The following MCTP1 variants were observed in gnomAD, a reference collection of about 807,000 sequenced individuals.
MCTP1 encodes multiple C2 and transmembrane domain containing 1, also known as multiple C2 and transmembrane domain-containing protein 1.
In MCTP1, 69 loss-of-function variants were observed where a neutral mutation model predicts 120.6. The observed-to-expected ratio is 0.57, with a 90% confidence interval of 0.47 to 0.70. MCTP1 has a LOEUF of 0.70. MCTP1 is among the 30% of genes least tolerant of loss of function. MCTP1 has a pLI of 0.00. For synonymous variants in MCTP1, 529 were observed against 493.1 expected (o/e 1.07, Z -0.96); for missense variants, 1,203 against 1,248.8 (o/e 0.96, Z 0.55).
chr5:94,767,634 T>C lies in MCTP1; in HGVS notation c.2610+11476A>G, dbSNP rs76160104. Among the ~76,000 whole-genome samples the C allele has an allele frequency of 9.9e-3, 1,503 of 151,952 alleles. 25 individuals carry two copies. The highest frequency in any genetic ancestry group is 0.034 in the African/African-American group (1,419 of 41,472). ...TACACCAGTAATGAACTAGCTAAAA[T>C]AGAAATCAAGACAGCAGTTCCATTT... On this transcript the variant is annotated intron_variant, in intron 19 of 22. Coordinates refer to ENST00000515393, the MANE Select transcript of MCTP1 (RefSeq NM_024717.7).
At chr5:95,226,369 T>C (rs182431671) in intron 1 of MCTP1, among the ~76,000 whole-genome samples, 7 of 152,334 alleles carry the variant, frequency 4.6e-5, no homozygotes, top group African/African-American at 1.4e-4. Context: ...CCCTCTGCCT[T>C]GAACATGTAT....
chr5:95,128,740 C>T (rs1758814275), intron 1 of MCTP1, among the ~76,000 whole-genome samples: 1 of 152,190 alleles, frequency 6.6e-6, no homozygotes, highest in South Asian at 2.1e-4. Context: ...TGAATGAAAA[C>T]ATTCTAAAGC....
Position 95,038,084 on chromosome 5 carries a change from T to A in MCTP1, c.721-20600A>T, listed in dbSNP as rs370498833. 1.1e-5 allele frequency: 11 copies of A among 980,848 alleles called. No individual in the cohort carries two copies. In the East Asian group the frequency reaches 8.0e-4, roughly 71 times the overall value. The allele number at this position is 980,848 out of a possible 1,614,324, so 60.8% of individuals were successfully genotyped here. The stretch of plus-strand genomic sequence containing the variant: ...CAAAACTCACGTGTATTTTATCCTT[T>A]CAAACATTCGAACAATCTCATGGTC... On this transcript the variant is annotated intron_variant, in intron 1 of 22. Coordinates refer to ENST00000515393, the MANE Select transcript of MCTP1 (RefSeq NM_024717.7).
chr5:94,804,926 GT>G (rs1781983359), intron 17 of MCTP1, among the ~76,000 whole-genome samples: 1 of 152,076 alleles, frequency 6.6e-6, no homozygotes, highest in Non-Finnish European at 1.5e-5. Context: ...AAGGGTTCCA[GT>G]TAAAAGCTTT....
rs1204349712 is a variant in MCTP1 at position 95,199,488 on chromosome 5, A to T, written c.720+84368T>A. On this transcript the variant is annotated intron_variant, in intron 1 of 22. Coordinates refer to ENST00000515393, the MANE Select transcript of MCTP1 (RefSeq NM_024717.7). ...GGTGTACAAAAAAATGCTCAATATC[A>T]CCAATCAGCAGAAAAATGCAAATTA... Among the ~76,000 whole-genome samples the T allele has an allele frequency of 3.3e-5, 5 of 152,172 alleles. No individual in the cohort carries two copies. The South Asian group carries it at 8.3e-4, about 25-fold the overall frequency.
At chr5:94,904,490 A>T (rs1456883955) in intron 10 of MCTP1, among the ~76,000 whole-genome samples, 2 of 152,224 alleles carry the variant, frequency 1.3e-5, no homozygotes, top group Non-Finnish European at 1.5e-5. Context: ...TTTTACAACC[A>T]GACAGCTCCG....
chr5:94,770,146 A>G (rs1020617175), intron 19 of MCTP1, among the ~76,000 whole-genome samples: 16 of 152,140 alleles, frequency 1.1e-4, no homozygotes, highest in African/African-American at 3.6e-4. Flanking sequence ...AGCATCTGTG[A>G]TGCTTGGCAA....
At chr5:94,735,989 AC>A (rs1764136702) in intron 19 of MCTP1, among the ~76,000 whole-genome samples, 1 of 152,168 alleles carries the variant, frequency 6.6e-6, no homozygotes, top group South Asian at 2.1e-4. Context: ...CTTGGTTTCA[AC>A]CCACTACCCC....
Position 94,796,387 on chromosome 5 carries a change from G to A in MCTP1, c.2556+2626C>T, listed in dbSNP as rs184092147. ...GCCAATGGTGTGATTAATGCACCTC[G>A]GAGATCCTGTAAAGTTTTCACACAT... On this transcript the variant is annotated intron_variant, in intron 18 of 22. Coordinates refer to ENST00000515393, the MANE Select transcript of MCTP1 (RefSeq NM_024717.7). Among the ~76,000 whole-genome samples, 876 of 151,650 alleles carry A rather than the reference G, an allele frequency of 5.8e-3. 11 individuals are homozygous for A. Among genetic ancestry groups the A allele is most frequent in the African/African-American group, 0.019 (804 of 41,338 alleles).
intron 5 of MCTP1, among the ~76,000 whole-genome samples, chr5:94,936,336 C>T (rs558699264): frequency 1.3e-4 from 19 of 151,800 alleles, no homozygotes; most frequent in South Asian, 4.2e-4. Context: ...AGTGATAGGA[C>T]GTAGGATGGA....
intron 1 of MCTP1, chr5:95,068,945 T>C: frequency 3.1e-6 from 1 of 327,646 alleles, no homozygotes; most frequent in Non-Finnish European, 4.8e-6. Context: ...GGGAAGATTG[T>C]GAGCAGGTAT....
chr5:95,284,487 A>G lies in MCTP1; in HGVS notation c.89T>C (p.Leu30Pro). The stretch of plus-strand genomic sequence containing the variant: ...GCCGCCCTTGCTCCTGCCCACCCCC[A>G]GCTGCAGGTTCTTCCAGAGCCGGGC... ...FQARLWKNLQ[L>P]GVGRSKGGGG... The change falls in exon 1 of 23, where the codon CTG becomes CCG. Residue 30 changes from leucine to proline, a missense_variant. Leu to Pro is a moderately conservative substitution (Grantham distance 98). Transcript: ENST00000515393. This position sits in a 1 kb window ranked among gnomAD's most constrained non-coding sequence, Gnocchi z 5.2. 2 of 1,151,818 alleles carry G rather than the reference A, an allele frequency of 1.7e-6. No homozygotes were observed. The highest frequency in any genetic ancestry group is 2.4e-6 in the Non-Finnish European group (2 of 826,264). 71.3% of individuals were successfully genotyped at this position (1,151,818 alleles called of 1,614,324 possible).
chr5:94,817,432 A>AAACAAACC (rs1784703062), intron 17 of MCTP1, among the ~76,000 whole-genome samples: 1 of 150,898 alleles, frequency 6.6e-6, no homozygotes, highest in African/African-American at 2.5e-5. Context: ...ACAAACAAAC[A>AAACAAACC]AACAAACAAA....
intron 17 of MCTP1, among the ~76,000 whole-genome samples, chr5:94,832,536 G>C (rs1314776384): frequency 1.3e-5 from 2 of 151,574 alleles, no homozygotes; most frequent in African/African-American, 2.4e-5. Context: ...TTTGACTCAT[G>C]GTTTCCAGCT....
intron 17 of MCTP1, among the ~76,000 whole-genome samples, chr5:94,802,255 T>C (rs994404534): frequency 2.0e-5 from 3 of 152,216 alleles, no homozygotes; most frequent in East Asian, 3.8e-4. Flanking sequence ...CATTTATTTT[T>C]CTTTTTCAGC....
chr5:95,214,145 A>G (rs1310786191), intron 1 of MCTP1, among the ~76,000 whole-genome samples: 1 of 152,302 alleles, frequency 6.6e-6, no homozygotes, highest in Non-Finnish European at 1.5e-5. Context: ...CAGAATCTAC[A>G]AAGAACTCAA....
chr5:94,779,815 G>A (rs1338707400), intron 18 of MCTP1, among the ~76,000 whole-genome samples: 3 of 152,092 alleles, frequency 2.0e-5, no homozygotes, highest in African/African-American at 4.8e-5. Context: ...AATTACATGT[G>A]TATAGTGTGT....
At chr5:94,778,255 A>C (rs1216532123) in intron 19 of MCTP1, among the ~76,000 whole-genome samples, 1 of 152,102 alleles carries the variant, frequency 6.6e-6, no homozygotes, top group Non-Finnish European at 1.5e-5. Flanking sequence ...ATCTGGTTTT[A>C]CACGCCAAAC....
intron 1 of MCTP1, among the ~76,000 whole-genome samples, chr5:95,208,931 A>C (rs953558997): frequency 6.6e-6 from 1 of 151,912 alleles, no homozygotes; most frequent in Non-Finnish European, 1.5e-5. Context: ...TCCTTCTTTA[A>C]TCTGTTTCTT....
Sources: gnomAD v4.1 joint callset for allele counts (sites outside exome capture counted in the v4.1 genomes callset) on GRCh38, gnomAD v4.1.1 for gene constraint, Gnocchi (gnomAD v3.1) non-coding constraint, MANE v1.5 for transcripts, NCBI Gene and HGNC (gene_info 2026-07-23, HGNC 2026-07-21) for gene names.